The following PLCB1 variants were observed in gnomAD, a reference collection of about 807,000 sequenced individuals.
PLCB1 encodes the protein phospholipase C beta 1.
Under a neutral mutation model 161.8 loss-of-function variants are expected in PLCB1, and 46 were observed. The observed-to-expected ratio is 0.28, with a 90% CI of 0.22 to 0.36. PLCB1 has a LOEUF of 0.36. Ranked by LOEUF, PLCB1 falls within the 10% of genes least tolerant of loss-of-function variation. The pLI, the probability that PLCB1 is intolerant of heterozygous loss-of-function variation, is 1.00. For missense variants in PLCB1, 1,016 were observed against 1,472.5 expected, an observed-to-expected ratio of 0.69 and a Z score of 5.07; for synonymous variants, 517 against 503.7, an observed-to-expected ratio of 1.03 and a Z score of -0.35.
intron 31 of PLCB1, 114 bp downstream of exon 31, chr20:8,790,375 C>T: frequency 5.8e-6 from 4 of 686,960 alleles, no homozygotes; most frequent in Non-Finnish European, 9.9e-6. Context: ...TCAGTTCTTG[C>T]ATATGAAACT....
At position 8,496,197 on chromosome 20, in the gene PLCB1, T is replaced by A. The variant is rs1983161526; in HGVS notation, c.246+124747T>A. Among the ~76,000 whole-genome samples, 5 of 152,248 alleles carry A rather than the reference T, an allele frequency of 3.3e-5. No homozygotes were observed. The South Asian group carries it at 1.0e-3, about 32-fold the overall frequency. On this transcript the variant is annotated intron_variant, in intron 3 of 31. Coordinates refer to ENST00000338037, the MANE Select transcript of PLCB1 (RefSeq NM_015192.4). ...TATAATTTAAGGAGAACTTACTCTCTAGAAATGTGGAGTAGCTGGACGTGG... is the reference window on the plus strand; with the variant it reads ...TATAATTTAAGGAGAACTTACTCTCAAGAAATGTGGAGTAGCTGGACGTGG...
chr20:8,651,708 G>A (rs1410394235), intron 7 of PLCB1: 3 of 479,952 alleles, frequency 6.3e-6, no homozygotes, highest in Non-Finnish European at 1.1e-5. Flanking sequence ...TAGCCAATAA[G>A]CATGCCAACA....
At chr20:8,301,385 G>A (rs1281316499) in intron 2 of PLCB1, among the ~76,000 whole-genome samples, 1 of 152,114 alleles carries the variant, frequency 6.6e-6, no homozygotes, top group Non-Finnish European at 1.5e-5. Flanking sequence ...AACCAGGAAG[G>A]ACTGAAAGAT....
intron 3 of PLCB1, among the ~76,000 whole-genome samples, chr20:8,379,310 C>A (rs113875929): frequency 0.027 from 4,128 of 152,270 alleles, 138 homozygotes; most frequent in African/African-American, 0.082. Context: ...CATAGTATTC[C>A]ATGGTTTATA....
chr20:8,420,097 C>T (rs1364336793), intron 3 of PLCB1, among the ~76,000 whole-genome samples: 2 of 152,178 alleles, frequency 1.3e-5, no homozygotes, highest in Non-Finnish European at 2.9e-5. Flanking sequence ...CATATTATAA[C>T]TTTTACAACA....
intron 26 of PLCB1, among the ~76,000 whole-genome samples, chr20:8,767,230 C>T (rs562723016): frequency 3.3e-5 from 5 of 152,284 alleles, no homozygotes; most frequent in African/African-American, 7.2e-5. Context: ...GAGTTTCTGC[C>T]TCAGGGGCCT....
intron 11 of PLCB1, among the ~76,000 whole-genome samples, chr20:8,706,728 A>G (rs1428576362): frequency 6.6e-6 from 1 of 152,126 alleles, no homozygotes; most frequent in Admixed American, 6.5e-5. Flanking sequence ...GAGTCAGACA[A>G]ATCTTCCTGG....
intron 27 of PLCB1, among the ~76,000 whole-genome samples, chr20:8,775,279 C>G (rs560782057): frequency 6.6e-6 from 1 of 152,180 alleles, no homozygotes; most frequent in South Asian, 2.1e-4. Flanking sequence ...TGTTTTCTCA[C>G]GAATTGAGAC....
At chr20:8,194,030 C>T (rs2051998019) in intron 2 of PLCB1, among the ~76,000 whole-genome samples, 1 of 151,856 alleles carries the variant, frequency 6.6e-6, no homozygotes, top group South Asian at 2.1e-4. Context: ...AAAGACAGAC[C>T]CATGAGTCCC....
At position 8,646,044 on chromosome 20, in the gene PLCB1, A is replaced by G. The variant is rs45599839; in HGVS notation, c.385-58A>G. The G allele has an allele frequency of 8.9e-6, 10 of 1,122,616 alleles. No homozygotes were observed. In the East Asian group the frequency reaches 1.9e-4, roughly 21 times the overall value. The allele number at this position is 1,122,616 out of a possible 1,614,324, so 69.5% of individuals were successfully genotyped here. On this transcript the variant is annotated intron_variant, in intron 4 of 31. Coordinates refer to ENST00000338037, the MANE Select transcript of PLCB1 (RefSeq NM_015192.4). ...TCTTCCTGGAAGCCAAGCTAAAAGC[A>G]TGTGTCTAATGACTGTGCAGTATTT...
rs1989709853 is a variant in PLCB1 at position 8,662,635 on chromosome 20, ATTAC to A, written c.862+3934_862+3937del. ...TCTATAATTAATATAATATATAAAT[ATTAC>A]TTCTTGAAATCCAACGTGCACCTGA... is the stretch of plus-strand genomic sequence containing the variant. On this transcript the variant is annotated intron_variant, in intron 9 of 31. Transcript: ENST00000338037. Among the ~76,000 whole-genome samples, 4 of 148,260 alleles carry A rather than the reference ATTAC, an allele frequency of 2.7e-5. No individual in the cohort carries two copies. In the South Asian group the frequency reaches 8.3e-4, roughly 31 times the overall value.
At chr20:8,229,882 A>ATAAAT (rs1568598345) in intron 2 of PLCB1, among the ~76,000 whole-genome samples, 31 of 148,448 alleles carry the variant, frequency 2.1e-4, no homozygotes, top group East Asian at 3.9e-4. Context: ...ATAAAATAAA[A>ATAAAT]TAAAAATAAA....
intron 2 of PLCB1, among the ~76,000 whole-genome samples, chr20:8,276,986 C>CTTCTTCTTCTTCTTCTTA (rs869194352): frequency 6.4e-5 from 6 of 93,354 alleles, no homozygotes; most frequent in East Asian, 3.5e-4. Flanking sequence ...TCTTCTTCTT[C>CTTCTTCTTCTTCTTCTTA]TTATTATTAT....
At chr20:8,723,727 C>T (rs955639466) in intron 15 of PLCB1, among the ~76,000 whole-genome samples, 1 of 152,012 alleles carries the variant, frequency 6.6e-6, no homozygotes, top group Non-Finnish European at 1.5e-5. Context: ...AAGTAAGTTG[C>T]CCAAGGTTGC....
At chr20:8,838,605 G>A (rs1439770959) in intron 31 of PLCB1, among the ~76,000 whole-genome samples, 2 of 152,240 alleles carry the variant, frequency 1.3e-5, no homozygotes, top group Non-Finnish European at 2.9e-5. Context: ...GAAAGGCCAA[G>A]TGGGAGCCAC....
chr20:8,532,781 C>T (rs1022795976), intron 3 of PLCB1, among the ~76,000 whole-genome samples: 19 of 151,848 alleles, frequency 1.3e-4, no homozygotes, highest in Non-Finnish European at 2.6e-4. Flanking sequence ...GGAAAAAAGG[C>T]AGGAAGGCAG....
chr20:8,257,509 AC>A (rs1343922003), intron 2 of PLCB1, among the ~76,000 whole-genome samples: 2 of 152,176 alleles, frequency 1.3e-5, no homozygotes, highest in Non-Finnish European at 2.9e-5. Flanking sequence ...GACTTCAAAG[AC>A]AGACTGCTTG....
At chr20:8,645,703 G>A (rs1308075737) in intron 4 of PLCB1, among the ~76,000 whole-genome samples, 4 of 152,194 alleles carry the variant, frequency 2.6e-5, no homozygotes, top group African/African-American at 9.7e-5. Context: ...TTTGGCATGA[G>A]TAGTAGAGCA....
intron 3 of PLCB1, among the ~76,000 whole-genome samples, chr20:8,497,150 A>G (rs746387844): frequency 6.6e-6 from 1 of 152,200 alleles, no homozygotes; most frequent in Non-Finnish European, 1.5e-5. Context: ...AGTGAAGGGG[A>G]AAATGCACAA....
Sources: allele counts gnomAD v4.1 joint callset (sites outside exome capture counted in the v4.1 genomes callset), GRCh38; gene constraint gnomAD v4.1.1; transcripts MANE v1.5; gene names NCBI Gene and HGNC (gene_info 2026-07-23, HGNC 2026-07-21).